The following NTRK3 variants were observed in gnomAD, a reference collection of about 807,000 sequenced individuals.
The protein encoded by NTRK3 is NT-3 growth factor receptor.
In NTRK3, 24 loss-of-function variants were observed where a neutral mutation model predicts 91.7. The ratio of observed to expected loss-of-function variants is 0.26; its 90% CI spans 0.19 to 0.37. The LOEUF (loss-of-function observed/expected upper bound fraction) is 0.37, where lower values mean the gene tolerates loss of function less well. Among genes scored for constraint, NTRK3 ranks in the 10% least tolerant of loss-of-function variants. The probability of loss-of-function intolerance (pLI) is 1.00; values close to 1 mark genes in which losing one functional copy is unlikely to be tolerated. For missense variants in NTRK3, 880 were observed against 1,068.9 expected, an observed-to-expected ratio of 0.82 and a Z score of 2.46; for synonymous variants, 483 against 404.0, an observed-to-expected ratio of 1.20 and a Z score of -2.34.
intron 14 of NTRK3, among the ~76,000 whole-genome samples, chr15:87,976,983 G>GCT (rs35445648): frequency 0.41 from 62,878 of 151,868 alleles, 13,675 homozygotes; most frequent in East Asian, 0.79. Flanking sequence ...AGCCTTGGCT[G>GCT]CTCAGACAAC....
intron 5 of NTRK3, among the ~76,000 whole-genome samples, chr15:88,175,826 A>G (rs543004476): frequency 5.3e-4 from 80 of 152,336 alleles, no homozygotes; most frequent in African/African-American, 1.8e-3. Context: ...ATATACAGAT[A>G]TATGTGATAA....
At chr15:88,220,668 C>A (rs2050161660) in intron 3 of NTRK3, among the ~76,000 whole-genome samples, 1 of 152,182 alleles carries the variant, frequency 6.6e-6, no homozygotes, top group African/African-American at 2.4e-5. Context: ...GCCCACACAG[C>A]TTTCAAGCCA....
intron 14 of NTRK3, among the ~76,000 whole-genome samples, chr15:88,021,193 G>A (rs944193340): frequency 1.3e-5 from 2 of 152,218 alleles, no homozygotes; most frequent in Non-Finnish European, 2.9e-5. Flanking sequence ...CCTGAAGAAT[G>A]TTACCACCCC....
intron 14 of NTRK3, among the ~76,000 whole-genome samples, chr15:87,972,581 C>A (rs1037090096): frequency 6.6e-6 from 1 of 152,154 alleles, no homozygotes; most frequent in Non-Finnish European, 1.5e-5. Context: ...TTGACTTACG[C>A]CAAAGGCCCC....
At chr15:88,060,309 A>T (rs1178072905) in intron 13 of NTRK3, among the ~76,000 whole-genome samples, 1 of 150,460 alleles carries the variant, frequency 6.6e-6, no homozygotes, top group Non-Finnish European at 1.5e-5. Flanking sequence ...GCTTAAACCC[A>T]GGAGGTGGAG....
intron 6 of NTRK3, among the ~76,000 whole-genome samples, chr15:88,147,069 A>G (rs1278460124): frequency 6.6e-6 from 1 of 152,178 alleles, no homozygotes; most frequent in Non-Finnish European, 1.5e-5. Context: ...ATTATAACTA[A>G]TTATCTACAG....
At chr15:88,222,864 A>T (rs907933328) in intron 3 of NTRK3, among the ~76,000 whole-genome samples, 1 of 152,180 alleles carries the variant, frequency 6.6e-6, no homozygotes, top group Admixed American at 6.5e-5. Context: ...GGGAGGCTCA[A>T]TGACTCACTG....
chr15:87,911,170 T>C (rs1170040207), intron 17 of NTRK3, among the ~76,000 whole-genome samples: 1 of 152,108 alleles, frequency 6.6e-6, no homozygotes, highest in Non-Finnish European at 1.5e-5. Flanking sequence ...GTGACAGGTA[T>C]TGAGGTATGA....
chr15:88,137,634 A>G (rs1267243419), intron 6 of NTRK3, 73 bp from the exon 7 acceptor site: 4 of 1,520,096 alleles, frequency 2.6e-6, no homozygotes, highest in Non-Finnish European at 3.6e-6. Context: ...GGCTATGAGG[A>G]CAAGGGGGAC....
chr15:87,996,783 G>A (rs1184177271), intron 14 of NTRK3, among the ~76,000 whole-genome samples: 4 of 152,194 alleles, frequency 2.6e-5, no homozygotes, highest in Non-Finnish European at 5.9e-5. Context: ...AAGAACTGCG[G>A]TATACTCTAC....
At chr15:87,998,985 T>A (rs1596603245) in intron 14 of NTRK3, among the ~76,000 whole-genome samples, 1 of 152,024 alleles carries the variant, frequency 6.6e-6, no homozygotes. Context: ...GGCAATTCAA[T>A]CAATCCTCAA....
chr15:88,135,212 A>G (rs2151191569), exon 10 of NTRK3: 2 of 1,614,236 alleles, frequency 1.2e-6, no homozygotes, highest in Non-Finnish European at 1.7e-6. Flanking sequence ...GGCTTGTTGA[A>G]GAGCAGGCAG....
intron 3 of NTRK3, among the ~76,000 whole-genome samples, chr15:88,212,922 A>C (rs1367542423): frequency 6.6e-6 from 1 of 152,152 alleles, no homozygotes; most frequent in Non-Finnish European, 1.5e-5. Context: ...CTGAGTCAGA[A>C]ACAGCCCCAG....
At chr15:87,869,531 T>A (rs75809330) in exon 19 of NTRK3, 209 of 217,640 alleles carry the variant, frequency 9.6e-4, no homozygotes, top group Non-Finnish European at 1.7e-3. Context: ...TCGGTCCAAT[T>A]TTCTCACTGT....
At chr15:88,183,614 T>C (rs1256725480) in intron 4 of NTRK3, 125 bp from the exon 5 acceptor site, 4 of 887,664 alleles carry the variant, frequency 4.5e-6, no homozygotes, top group Admixed American at 3.6e-5. Context: ...TATCTACACC[T>C]CTTCATTGCC....
intron 13 of NTRK3, among the ~76,000 whole-genome samples, chr15:88,082,211 G>A (rs1320219051): frequency 6.6e-6 from 1 of 151,486 alleles, no homozygotes; most frequent in African/African-American, 2.4e-5. Flanking sequence ...CCGGGAGGTG[G>A]AGCTTGCAGT....
At chr15:88,121,301 A>G (rs1455413373) in intron 13 of NTRK3, among the ~76,000 whole-genome samples, 17 of 152,164 alleles carry the variant, frequency 1.1e-4, no homozygotes. Flanking sequence ...ATGGTGCACT[A>G]TGGATGTGGA....
At chr15:88,223,444 G>T (rs935668155) in intron 3 of NTRK3, among the ~76,000 whole-genome samples, 1 of 152,262 alleles carries the variant, frequency 6.6e-6, no homozygotes, top group Non-Finnish European at 1.5e-5. Flanking sequence ...CCAGGGACAA[G>T]AAGGCAAAGG....
At chr15:88,048,792 C>G (rs2142253518) in intron 13 of NTRK3, among the ~76,000 whole-genome samples, 1 of 152,178 alleles carries the variant, frequency 6.6e-6, no homozygotes, top group Admixed American at 6.5e-5. Flanking sequence ...ACCATCTTAC[C>G]AGGAAAGGAG....
Sources: allele counts gnomAD v4.1 joint callset (sites outside exome capture counted in the v4.1 genomes callset), GRCh38; gene constraint gnomAD v4.1.1; transcripts MANE v1.5; gene names NCBI Gene and HGNC (gene_info 2026-07-23, HGNC 2026-07-21).